KIF20B: variants seen among roughly 807,000 people sequenced by gnomAD.
KIF20B encodes the protein kinesin-like protein KIF20B.
A neutral mutation model predicts 232.5 loss-of-function variants in KIF20B; 188 were observed. The observed-to-expected ratio is 0.81, with a 90% confidence interval of 0.72 to 0.91. The LOEUF is 0.91. KIF20B is among the 40% of genes least tolerant of loss of function. KIF20B has a pLI of 0.00. For synonymous variants in KIF20B, 712 were observed against 683.0 expected, an observed-to-expected ratio of 1.04 and a Z score of -0.66; for missense variants, 2,154 against 2,055.9, an observed-to-expected ratio of 1.05 and a Z score of -0.92.
chr10:89,737,755 A>G lies in KIF20B; in HGVS notation c.2914A>G (p.Thr972Ala). ...ATTGTCAAATGAGATAGAAACTGCT[A>G]CAAGAAGCATTACAAATAATGTTTC... is the stretch of plus-strand genomic sequence containing the variant. ...MKLSNEIETA[T>A]RSITNNVSQI... Residue 972 changes from threonine to alanine, a missense_variant, in exon 20 of 33, where the codon ACA becomes GCA. Transcript: ENST00000371728. The G allele has an allele frequency of 1.2e-6, 2 of 1,611,692 alleles. No individual in the cohort carries two copies. The highest frequency in any genetic ancestry group is 1.7e-6 in the Non-Finnish European group (2 of 1,178,416).
intron 23 of KIF20B, among the ~76,000 whole-genome samples, chr10:89,749,800 G>A (rs1841988849): frequency 6.6e-6 from 1 of 152,008 alleles, no homozygotes; most frequent in African/African-American, 2.4e-5. Context: ...ATAGACATTT[G>A]GGTTGTTTCC....
intron 19 of KIF20B, among the ~76,000 whole-genome samples, chr10:89,734,256 A>G (rs1356469369): frequency 6.6e-6 from 1 of 152,088 alleles, no homozygotes; most frequent in Non-Finnish European, 1.5e-5. Flanking sequence ...CTAAAATTAC[A>G]AAAAATTAGC....
At chr10:89,763,759 G>A (rs1311365192) in intron 29 of KIF20B, among the ~76,000 whole-genome samples, 1 of 151,642 alleles carries the variant, frequency 6.6e-6, no homozygotes, top group East Asian at 1.9e-4. Context: ...TGGAACAATG[G>A]ATTAATGTGT....
rs139378013 is a variant in KIF20B at position 89,772,742 on chromosome 10, A to G, written c.5296A>G (p.Ser1766Gly). ...SSSKLSNVEA[S>G]KENVSQPKRA... ...TTCAAAGCTCTCAAATGTAGAAGCAAGTAAAGAAAATGTGTCTCAACCAAA... is the reference window on the plus strand; with the variant it reads ...TTCAAAGCTCTCAAATGTAGAAGCAGGTAAAGAAAATGTGTCTCAACCAAA... The change falls in exon 32 of 33, where the codon AGT becomes GGT. Residue 1766 changes from serine to glycine, a missense_variant. Coordinates refer to ENST00000371728, the MANE Select transcript of KIF20B (RefSeq NM_001284259.2). 21 of 1,608,254 alleles carry G rather than the reference A, an allele frequency of 1.3e-5. No individual in the cohort carries two copies. In the Admixed American group the frequency reaches 1.8e-4, roughly 14 times the overall value.
chr10:89,750,407 A>G (rs1438939771), intron 23 of KIF20B, among the ~76,000 whole-genome samples: 1 of 152,156 alleles, frequency 6.6e-6, no homozygotes, highest in Non-Finnish European at 1.5e-5. Flanking sequence ...ATTCTGTTTT[A>G]CTAGCACACC....
chr10:89,757,036 G>A (rs372032097), intron 26 of KIF20B, among the ~76,000 whole-genome samples: 3 of 82,222 alleles, frequency 3.6e-5, no homozygotes, highest in African/African-American at 8.6e-5. Flanking sequence ...GTGTGTGTGT[G>A]TGTGTATATA....
rs535918293 is a variant in KIF20B, at chr10:89,737,156, C to T, written c.2546-231C>T. ...TAGCTGCCATCATTTTGGTGTACTT[C>T]CTTTGCTAACTTTGTATTACCTTGT... On this transcript the variant is annotated intron_variant, in intron 19 of 32. Transcript: ENST00000371728. Among the ~76,000 whole-genome samples the T allele has an allele frequency of 1.9e-4, 29 of 152,086 alleles. No homozygotes were observed. In the South Asian group the frequency reaches 5.8e-3, roughly 30 times the overall value.
chr10:89,772,062 A>G (rs1842474182), intron 31 of KIF20B, among the ~76,000 whole-genome samples: 1 of 74,306 alleles, frequency 1.3e-5, no homozygotes, highest in Non-Finnish European at 2.5e-5. Flanking sequence ...AAAAAAAAAT[A>G]TTTGATATCA....
intron 13 of KIF20B, 134 bp downstream of exon 13, chr10:89,719,840 A>C: frequency 1.5e-6 from 1 of 669,260 alleles, no homozygotes. Context: ...ATTTTGAAAA[A>C]TTTCAAACCT....
intron 6 of KIF20B, among the ~76,000 whole-genome samples, chr10:89,712,501 TC>T (rs1411289640): frequency 3.9e-5 from 6 of 152,136 alleles, no homozygotes; most frequent in Non-Finnish European, 5.9e-5. Context: ...GAGATCCTCT[TC>T]CCTTGGCCTT....
At chr10:89,728,682 TC>T (rs1843244731) in intron 17 of KIF20B, among the ~76,000 whole-genome samples, 1 of 151,988 alleles carries the variant, frequency 6.6e-6, no homozygotes, top group Non-Finnish European at 1.5e-5. Flanking sequence ...TTTGTATTTT[TC>T]AGTGGAGACG....
rs775337894 is a variant in KIF20B at position 89,738,599 on chromosome 10, A to G, written c.3758A>G (p.Asn1253Ser). The G allele has an allele frequency of 1.9e-6, 3 of 1,552,930 alleles. No individual in the cohort carries two copies. Among genetic ancestry groups the G allele is most frequent in the African/African-American group, 2.8e-5 (2 of 71,634 alleles). The change falls in exon 20 of 33, where the codon AAC becomes AGC. Residue 1253 changes from asparagine to serine, a missense_variant. Physicochemically the swap from Asn to Ser is conservative, Grantham distance 46. Transcript: ENST00000371728. The stretch of plus-strand genomic sequence containing the variant: ...TTAAAAGAAGAAGAAGAAGAAACCA[A>G]CAGGCAAGAAACAGAAAAGTAAGCT... ...LQLKEEEEET[N>S]RQETEKLKEE...
Position 89,772,729 on chromosome 10 carries a change from A to C in KIF20B, c.5283A>C (p.Ser1761=), listed in dbSNP as rs759479558. Residue 1761 remains serine (S), a synonymous_variant, in exon 32 of 33, where the codon TCA becomes TCC. Transcript: ENST00000371728. ...IIETMSSSKL[S]NVEASKENVS... ...AAACAATGAGCTCTTCAAAGCTCTC[A>C]AATGTAGAAGCAAGTAAAGAAAATG... 1.2e-6 allele frequency: 2 copies of C among 1,605,908 alleles called. No homozygotes were observed. Among genetic ancestry groups the C allele is most frequent in the African/African-American group, 2.7e-5 (2 of 74,668 alleles).
At position 89,729,164 on chromosome 10, in the gene KIF20B, A is replaced by G. The variant is rs754166229; in HGVS notation, c.2308A>G (p.Ile770Val). Residue 770 changes from isoleucine to valine, a missense_variant, in exon 18 of 33, where the codon ATA becomes GTA. Transcript: ENST00000371728. ...ITQNQRIKEL[I>V]NIIDQKEDTI... Reference sequence around the variant, plus strand: ...ACAGAATCAAAGAATTAAAGAATTGATAAATATAATTGATCAAAAAGAAGA... The same window carrying G: ...ACAGAATCAAAGAATTAAAGAATTGGTAAATATAATTGATCAAAAAGAAGA... The G allele has an allele frequency of 2.1e-6, 3 of 1,455,980 alleles. No homozygotes were observed. Among genetic ancestry groups the G allele is most frequent in the Non-Finnish European group, 2.8e-6 (3 of 1,084,520 alleles). 90.2% of individuals were successfully genotyped at this position (1,455,980 alleles called of 1,614,324 possible). A position where few individuals can be genotyped will look rare whatever the true frequency, so the allele number is the denominator to read the frequency against.
chr10:89,724,356 G>A lies in KIF20B; in HGVS notation c.1862+253G>A, dbSNP rs141322260. ...AGCCTGGCCAACATGGTGAAACCTC[G>A]TCTGTACTAAAAATAGAAAAATTAG... On this transcript the variant is annotated intron_variant, in intron 14 of 32. Transcript: ENST00000371728. 3.0e-3 allele frequency among the ~76,000 whole-genome samples: 460 copies of A among 152,060 alleles called. 3 individuals are homozygous for A. Among genetic ancestry groups the A allele is most frequent in the African/African-American group, 0.01 (430 of 41,514 alleles).
intron 6 of KIF20B, 97 bp downstream of exon 6, chr10:89,711,242 G>T: frequency 1.4e-6 from 1 of 717,224 alleles, no homozygotes; most frequent in South Asian, 4.3e-5. Context: ...GGTTTGTGGT[G>T]GTAGTGTTTT....
At chr10:89,739,353 CT>C (rs1841743409) in intron 21 of KIF20B, among the ~76,000 whole-genome samples, 1 of 152,034 alleles carries the variant, frequency 6.6e-6, no homozygotes, top group African/African-American at 2.4e-5. Flanking sequence ...AATGTAAGTC[CT>C]TACAAAAAAG....
rs1841734535 is a variant in KIF20B, at chr10:89,739,037, G to A, written c.3856G>A (p.Ala1286Thr). 1 of 1,613,390 alleles carries A rather than the reference G, an allele frequency of 6.2e-7. No individual in the cohort carries two copies. The highest frequency in any genetic ancestry group is 8.5e-7 in the Non-Finnish European group (1 of 1,179,644). ...TCTTCAGAGGAAGGAAGAAGATTAT[G>A]CTGACCTGAAAGAGAAACTGACTGA... is the stretch of plus-strand genomic sequence containing the variant. ...ADLQRKEEDY[A>T]DLKEKLTDAK... is the part of the protein sequence containing the mutation. Residue 1286 changes from alanine (A) to threonine (T), a missense_variant, in exon 21 of 33, where the codon GCT becomes ACT. Physicochemically the swap from Ala to Thr is moderately conservative, Grantham distance 58. Transcript: ENST00000371728.
intron 1 of KIF20B, 148 bp from the exon 2 acceptor site, chr10:89,705,146 C>G: frequency 1.5e-6 from 1 of 653,968 alleles, no homozygotes; most frequent in Non-Finnish European, 2.7e-6. Context: ...TCCTGTAGGG[C>G]ATTGTGTTAT....
Sources: gnomAD v4.1 joint callset for allele counts (sites outside exome capture counted in the v4.1 genomes callset) on GRCh38, gnomAD v4.1.1 for gene constraint, MANE v1.5 for transcripts, NCBI Gene and HGNC (gene_info 2026-07-23, HGNC 2026-07-21) for gene names.